Variants in HTR4 observed in about 807,000 individuals in gnomAD.
HTR4 encodes 5-hydroxytryptamine receptor 4, also known as 5-hydroxytryptamine (serotonin) receptor 4, G protein-coupled.
A neutral mutation model predicts 36.8 loss-of-function variants in HTR4; 16 were observed. That is an observed-to-expected ratio of 0.43 (90% CI 0.29 to 0.66). The LOEUF (loss-of-function observed/expected upper bound fraction) is 0.66. Among genes scored for constraint, HTR4 ranks in the 30% least tolerant of loss-of-function variants. HTR4 has a pLI of 0.13. For synonymous variants in HTR4, 189 were observed against 185.1 expected (o/e 1.02, Z -0.17); for missense variants, 438 against 490.9 (o/e 0.89, Z 1.02).
At chr5:148,550,102 C>T in intron 3 of HTR4, 35 bp downstream of exon 3, 2 of 1,612,612 alleles carry the variant, frequency 1.2e-6, no homozygotes, top group East Asian at 2.2e-5. Context: ...TCAGAACTCC[C>T]ATGTTTCCTC....
chr5:148,511,450 T>C (rs1757493184), intron 5 of HTR4, among the ~76,000 whole-genome samples: 3 of 152,186 alleles, frequency 2.0e-5, no homozygotes, highest in Non-Finnish European at 2.9e-5. Context: ...TAATATTGTA[T>C]CACTCACATT....
intron 5 of HTR4, among the ~76,000 whole-genome samples, chr5:148,458,109 A>T (rs58746316): frequency 0.18 from 9,168 of 51,126 alleles, 608 homozygotes; most frequent in African/African-American, 0.26. Context: ...AATATCTATT[A>T]AATAGATCTT....
intron 2 of HTR4, among the ~76,000 whole-genome samples, chr5:148,580,288 T>C (rs1054609416): frequency 5.3e-5 from 8 of 152,070 alleles, no homozygotes; most frequent in Non-Finnish European, 1.0e-4. Flanking sequence ...ACAACTGATA[T>C]GCAAAATCTC....
At chr5:148,543,043 C>T (rs1335775909) in intron 4 of HTR4, among the ~76,000 whole-genome samples, 1 of 152,198 alleles carries the variant, frequency 6.6e-6, no homozygotes, top group African/African-American at 2.4e-5. Flanking sequence ...GTGTTTGACA[C>T]AAGCAAAGCC....
chr5:148,627,966 G>A (rs550408120), intron 2 of HTR4, among the ~76,000 whole-genome samples: 77 of 152,354 alleles, frequency 5.1e-4, no homozygotes, highest in Non-Finnish European at 7.6e-4. Flanking sequence ...ATTGCACACT[G>A]AACAACTGTA....
chr5:148,492,350 C>T (rs2113737431), intron 6 of HTR4, among the ~76,000 whole-genome samples: 1 of 152,218 alleles, frequency 6.6e-6, no homozygotes, highest in East Asian at 1.9e-4. Flanking sequence ...CTGTTCAGCA[C>T]AGGGTATGAT....
intron 2 of HTR4, among the ~76,000 whole-genome samples, chr5:148,589,979 C>T (rs1581516185): frequency 6.6e-6 from 1 of 152,036 alleles, no homozygotes; most frequent in Non-Finnish European, 1.5e-5. Context: ...ACTTTGTACC[C>T]TTTGCCCAAC....
rs1187007773 is a variant in HTR4, at chr5:148,613,775, G to T, written c.26+23214C>A. ...TGCAGATGACATGATTGTATATCTA[G>T]AAAACCCCATTGTCTCAGCCCAAAA... On this transcript the variant is annotated intron_variant, in intron 2 of 6. Transcript: ENST00000377888. Among the ~76,000 whole-genome samples the T allele has an allele frequency of 8.9e-3, 1,321 of 148,994 alleles. 25 individuals carry two copies. The highest frequency in any genetic ancestry group is 0.031 in the African/African-American group (1,261 of 40,756).
chr5:148,481,451 A>G, downstream of HTR4: 1 of 916,094 alleles, frequency 1.1e-6, no homozygotes. Context: ...AATTCTGAAT[A>G]GCATTTCTCT....
At chr5:148,608,221 A>G (rs1219425646) in intron 2 of HTR4, among the ~76,000 whole-genome samples, 3 of 152,248 alleles carry the variant, frequency 2.0e-5, no homozygotes, top group Non-Finnish European at 4.4e-5. Flanking sequence ...TACCGTTCTA[A>G]GAAACTGGGT....
chr5:148,503,539 T>A (rs2113758393), intron 6 of HTR4, among the ~76,000 whole-genome samples: 1 of 152,252 alleles, frequency 6.6e-6, no homozygotes, highest in South Asian at 2.1e-4. Flanking sequence ...TGCAAAAACA[T>A]GCCAAATTGT....
Position 148,636,868 on chromosome 5 carries a change from T to C in HTR4, c.26+121A>G, listed in dbSNP as rs144695998. ...ACAGTACTGTGAACATGATTATATA[T>C]GAAACATCAAAGAAAATCCACATCC... On this transcript the variant is annotated intron_variant, in intron 2 of 6. Coordinates refer to ENST00000377888, the MANE Select transcript of HTR4 (RefSeq NM_000870.7). 7.7e-4 allele frequency: 495 copies of C among 639,714 alleles called. 4 individuals are homozygous for C. In the African/African-American group the frequency reaches 8.4e-3, roughly 11 times the overall value. 39.6% of individuals were successfully genotyped at this position (639,714 alleles called of 1,614,324 possible).
At chr5:148,638,224 C>T (rs993942193) in intron 1 of HTR4, among the ~76,000 whole-genome samples, 2 of 152,220 alleles carry the variant, frequency 1.3e-5, no homozygotes, top group Admixed American at 1.3e-4. Context: ...TTAACAGGAG[C>T]TCCCATGGGC....
chr5:148,621,028 T>A (rs1258798712), intron 2 of HTR4, among the ~76,000 whole-genome samples: 2 of 152,176 alleles, frequency 1.3e-5, no homozygotes, highest in African/African-American at 4.8e-5. Flanking sequence ...TTTGTATGTG[T>A]CAGAAAAATA....
intron 6 of HTR4, among the ~76,000 whole-genome samples, chr5:148,507,128 T>A (rs573558847): frequency 1.6e-4 from 25 of 152,172 alleles, no homozygotes; most frequent in African/African-American, 5.1e-4. Flanking sequence ...CCAACCCAAA[T>A]GTCCATCAAT....
chr5:148,632,496 G>A lies in HTR4; in HGVS notation c.26+4493C>T, dbSNP rs114748805. Reference sequence around the variant, plus strand: ...AAGCAAGAGGATAGAGAGCTCATGGGGCAGGGAGGTGAGTCAAGGGTAGGC... The same window carrying A: ...AAGCAAGAGGATAGAGAGCTCATGGAGCAGGGAGGTGAGTCAAGGGTAGGC... On this transcript the variant is annotated intron_variant, in intron 2 of 6. Transcript: ENST00000377888. Among the ~76,000 whole-genome samples, 579 of 152,196 alleles carry A rather than the reference G, an allele frequency of 3.8e-3. 2 individuals carry two copies. The highest frequency in any genetic ancestry group is 0.013 in the African/African-American group (534 of 41,526).
chr5:148,509,395 G>A (rs1176886611), intron 6 of HTR4, 61 bp downstream of exon 6: 2 of 1,283,284 alleles, frequency 1.6e-6, no homozygotes, highest in Admixed American at 2.3e-5. Context: ...GAAAACTGGA[G>A]CATTACCCCT....
At chr5:148,591,481 ATTTG>A (rs1177130873) in intron 2 of HTR4, among the ~76,000 whole-genome samples, 1 of 152,116 alleles carries the variant, frequency 6.6e-6, no homozygotes, top group Non-Finnish European at 1.5e-5. Context: ...ATGTTTTTCC[ATTTG>A]TTTGTGTCAT....
intron 2 of HTR4, among the ~76,000 whole-genome samples, chr5:148,584,795 G>T (rs192890508): frequency 6.6e-6 from 1 of 152,244 alleles, no homozygotes; most frequent in Admixed American, 6.5e-5. Context: ...CTGAGTAAAT[G>T]AATAAAGATT....
Sources: allele counts gnomAD v4.1 joint callset (sites outside exome capture counted in the v4.1 genomes callset), GRCh38; gene constraint gnomAD v4.1.1; transcripts MANE v1.5; gene names NCBI Gene and HGNC (gene_info 2026-07-23, HGNC 2026-07-21).